The following FOXJ3 variants were observed in gnomAD, a reference collection of about 807,000 sequenced individuals.
FOXJ3 encodes the protein forkhead box protein J3.
A neutral mutation model predicts 76.1 loss-of-function variants in FOXJ3; 22 were observed. The ratio of observed to expected loss-of-function variants is 0.29; its 90% CI spans 0.21 to 0.41. The LOEUF (loss-of-function observed/expected upper bound fraction) is 0.41, where lower values mean the gene tolerates loss of function less well. Ranked by LOEUF, FOXJ3 falls within the 10% of genes least tolerant of loss-of-function variation. The pLI, the probability that FOXJ3 is intolerant of heterozygous loss-of-function variation, is 1.00. For missense variants in FOXJ3, 613 were observed against 762.1 expected (o/e 0.80, Z 2.30); for synonymous variants, 269 against 261.2 (o/e 1.03, Z -0.29).
rs572576407 is a variant in FOXJ3, at chr1:42,322,375, G to C, written c.-17-11265C>G. On this transcript the variant is annotated intron_variant, in intron 1 of 12. Coordinates refer to ENST00000361346, the MANE Select transcript of FOXJ3 (RefSeq NM_014947.5). ...TACAATGATGGCATGGGTAATATAA[G>C]AAAATATTTACATTTTCTTAAAGAT... Among the ~76,000 whole-genome samples, 3 of 151,942 alleles carry C rather than the reference G, an allele frequency of 2.0e-5. No individual in the cohort carries two copies. The South Asian group carries it at 6.2e-4, about 32-fold the overall frequency.
chr1:42,185,629 C>T (rs1646420224), intron 11 of FOXJ3, among the ~76,000 whole-genome samples: 1 of 152,014 alleles, frequency 6.6e-6, no homozygotes, highest in Non-Finnish European at 1.5e-5. Context: ...GTGCCCAATA[C>T]AAAGCTAGAC....
intron 4 of FOXJ3, among the ~76,000 whole-genome samples, chr1:42,239,915 C>G: frequency 6.6e-6 from 1 of 152,128 alleles, no homozygotes; most frequent in African/African-American, 2.4e-5. Context: ...TTACCTTTCC[C>G]AGGCATAACT....
At chr1:42,256,115 G>A (rs1231622466) in intron 4 of FOXJ3, among the ~76,000 whole-genome samples, 1 of 152,156 alleles carries the variant, frequency 6.6e-6, no homozygotes, top group African/African-American at 2.4e-5. Flanking sequence ...AATTTGCAAT[G>A]GGCCTAAATG....
chr1:42,325,843 C>A (rs1036337024), intron 1 of FOXJ3, among the ~76,000 whole-genome samples: 1 of 152,190 alleles, frequency 6.6e-6, no homozygotes, highest in African/African-American at 2.4e-5. Flanking sequence ...AAAACCCAAA[C>A]CACTTAATAC....
At chr1:42,196,694 A>G (rs747460293) in intron 7 of FOXJ3, among the ~76,000 whole-genome samples, 7 of 152,218 alleles carry the variant, frequency 4.6e-5, no homozygotes, top group Non-Finnish European at 1.0e-4. Flanking sequence ...CTCCATCTCA[A>G]AAACAACAAA....
At chr1:42,326,018 T>A (rs970401854) in intron 1 of FOXJ3, among the ~76,000 whole-genome samples, 4 of 152,182 alleles carry the variant, frequency 2.6e-5, no homozygotes, top group Non-Finnish European at 4.4e-5. Context: ...CCCAGCACTT[T>A]GGGAGGCGGA....
chr1:42,286,730 T>C (rs1007852800), intron 2 of FOXJ3, among the ~76,000 whole-genome samples: 1 of 152,106 alleles, frequency 6.6e-6, no homozygotes, highest in African/African-American at 2.4e-5. Flanking sequence ...ACCTCCCATG[T>C]TCAAGCGATT....
chr1:42,221,017 A>G (rs1647172296), intron 5 of FOXJ3, among the ~76,000 whole-genome samples: 1 of 152,332 alleles, frequency 6.6e-6, no homozygotes, highest in African/African-American at 2.4e-5. Flanking sequence ...TGTTAACATA[A>G]TATTATTTTG....
intron 4 of FOXJ3, among the ~76,000 whole-genome samples, chr1:42,252,895 AC>A (rs1283259955): frequency 6.7e-6 from 1 of 150,272 alleles, no homozygotes; most frequent in Non-Finnish European, 1.5e-5. Context: ...CCCTTTGAAA[AC>A]TGGCACAAGA....
intron 1 of FOXJ3, among the ~76,000 whole-genome samples, chr1:42,313,564 C>T (rs1475279549): frequency 6.6e-6 from 1 of 152,126 alleles, no homozygotes; most frequent in Non-Finnish European, 1.5e-5. Context: ...CAAAATACAG[C>T]AGAAACATCA....
rs1445398117 is a variant in FOXJ3 at position 42,246,343 on chromosome 1, C to T, written c.445-18377G>A. Among the ~76,000 whole-genome samples, 4 of 151,828 alleles carry T rather than the reference C, an allele frequency of 2.6e-5. No homozygotes were observed. The East Asian group carries it at 5.8e-4, about 22-fold the overall frequency. ...ATGCACATACACATACACACACACACGTACCCATTAAAAAGTGGGCAAAAA... is the reference window on the plus strand; with the variant it reads ...ATGCACATACACATACACACACACATGTACCCATTAAAAAGTGGGCAAAAA... On this transcript the variant is annotated intron_variant, in intron 4 of 12. Transcript: ENST00000361346.
At chr1:42,179,968 T>C (rs1250541347) in intron 12 of FOXJ3, 143 bp from the exon 13 acceptor site, 2 of 594,720 alleles carry the variant, frequency 3.4e-6, no homozygotes, top group African/African-American at 3.7e-5. Flanking sequence ...GTGGCTCTTA[T>C]GATCCTTATT....
At chr1:42,269,171 A>G (rs967802233) in intron 3 of FOXJ3, among the ~76,000 whole-genome samples, 1 of 152,078 alleles carries the variant, frequency 6.6e-6, no homozygotes, top group Non-Finnish European at 1.5e-5. Context: ...TAGAAAGGGG[A>G]TAACTAATAA....
chr1:42,195,006 T>C lies in FOXJ3; in HGVS notation c.818A>G (p.Tyr273Cys). 1 of 1,613,508 alleles carries C rather than the reference T, an allele frequency of 6.2e-7. No individual in the cohort carries two copies. Among genetic ancestry groups the C allele is most frequent in the Non-Finnish European group, 8.5e-7 (1 of 1,179,642 alleles). ...TTGCTTGTCTCTTTCTGGAAGGTTG[T>C]ACTGTGGTTGCTGCTGAGGAGTTAA... ...QSLTPQQQPQ[Y>C]NLPERDKQLL... The change falls in exon 8 of 13, where the codon TAC becomes TGC. Residue 273 changes from tyrosine to cysteine, a missense_variant. Coordinates refer to ENST00000361346, the MANE Select transcript of FOXJ3 (RefSeq NM_014947.5).
chr1:42,303,447 C>T (rs1190122613), intron 2 of FOXJ3, among the ~76,000 whole-genome samples: 1 of 152,204 alleles, frequency 6.6e-6, no homozygotes, highest in Non-Finnish European at 1.5e-5. Flanking sequence ...TACCAGTATG[C>T]TTCCAGAAAT....
chr1:42,181,867 A>T (rs781751297), intron 12 of FOXJ3, 50 bp downstream of exon 12: 91 of 335,836 alleles, frequency 2.7e-4, no homozygotes, highest in Non-Finnish European at 3.6e-4. Context: ...TGGAGTGCTC[A>T]CACACACACA....
chr1:42,214,009 A>G (rs1470489117), intron 5 of FOXJ3, among the ~76,000 whole-genome samples: 1 of 152,228 alleles, frequency 6.6e-6, no homozygotes, highest in Non-Finnish European at 1.5e-5. Context: ...GAAACATCAC[A>G]CTGTACCCCA....
chr1:42,280,234 C>G, intron 2 of FOXJ3: 1 of 909,896 alleles, frequency 1.1e-6, no homozygotes, highest in South Asian at 5.0e-5. Flanking sequence ...ATAAAGTAAA[C>G]CACATTAAGC....
rs115912804 is a variant in FOXJ3, at chr1:42,259,861, C to T, written c.444+5254G>A. Among the ~76,000 whole-genome samples the T allele has an allele frequency of 7.3e-3, 1,104 of 152,272 alleles. 2 individuals carry two copies. The highest frequency in any genetic ancestry group is 1.0e-2 in the Non-Finnish European group (678 of 68,018). The stretch of plus-strand genomic sequence containing the variant: ...TCATATCCTCTTCCAGCCTTCAACT[C>T]GAGTTCTTATCTACCATGAGTTAAA... On this transcript the variant is annotated intron_variant, in intron 4 of 12. Coordinates refer to ENST00000361346, the MANE Select transcript of FOXJ3 (RefSeq NM_014947.5).
Sources: gnomAD v4.1 joint callset for allele counts (sites outside exome capture counted in the v4.1 genomes callset) on GRCh38, gnomAD v4.1.1 for gene constraint, MANE v1.5 for transcripts, NCBI Gene and HGNC (gene_info 2026-07-23, HGNC 2026-07-21) for gene names.